Variants in GSAP observed in about 807,000 individuals in gnomAD.
GSAP encodes the protein gamma-secretase activating protein.
Under a neutral mutation model 131.7 loss-of-function variants are expected in GSAP, and 118 were observed. The ratio of observed to expected loss-of-function variants is 0.90; its 90% CI spans 0.77 to 1.04. GSAP has a LOEUF of 1.04. GSAP is among the 50% of genes least tolerant of loss of function. The pLI is 0.00. For synonymous variants in GSAP, 381 were observed against 363.4 expected (o/e 1.05, Z -0.55); for missense variants, 1,019 against 1,013.2 (o/e 1.01, Z -0.08).
At chr7:77,377,665 C>G (rs748520244) in intron 8 of GSAP, among the ~76,000 whole-genome samples, 2 of 152,134 alleles carry the variant, frequency 1.3e-5, no homozygotes, top group Admixed American at 6.5e-5. Context: ...GAAGACAACA[C>G]CACACCTCCC....
At chr7:77,362,002 C>T (rs1229073689) in intron 13 of GSAP, among the ~76,000 whole-genome samples, 3 of 152,128 alleles carry the variant, frequency 2.0e-5, no homozygotes, top group Admixed American at 6.6e-5. Context: ...AGCAAATAAA[C>T]ACACTTTGGA....
intron 26 of GSAP, chr7:77,314,691 G>A (rs1265458765): frequency 2.7e-5 from 14 of 509,724 alleles, no homozygotes; most frequent in South Asian, 6.3e-5. Flanking sequence ...GTAAGTTTCC[G>A]GTAAGTATAC....
chr7:77,377,237 T>TAAAAAAAA lies in GSAP; in HGVS notation c.681+41_681+48dup, dbSNP rs533755073. ...GTCTCTAAAAAAATTAATATTTTTG[T>TAAAAAAAA]AAAAAAAAAAAAAAAAAAAAAGGAG... On this transcript the variant is annotated intron_variant, in intron 9 of 30. Coordinates refer to ENST00000257626, the MANE Select transcript of GSAP (RefSeq NM_017439.4). The TAAAAAAAA allele has an allele frequency of 2.6e-3, 2,293 of 892,508 alleles. 12 individuals carry two copies. The highest frequency in any genetic ancestry group is 2.8e-3 in the Non-Finnish European group (2,035 of 714,674). The allele number at this position is 892,508 out of a possible 1,614,324, so 55.3% of individuals were successfully genotyped here.
At chr7:77,324,387 C>T (rs562278124) in intron 23 of GSAP, among the ~76,000 whole-genome samples, 1 of 152,316 alleles carries the variant, frequency 6.6e-6, no homozygotes, top group African/African-American at 2.4e-5. Context: ...TTTTGCTTTT[C>T]TCTCTCCTCC....
At chr7:77,346,799 C>T (rs899433897) in intron 19 of GSAP, among the ~76,000 whole-genome samples, 1 of 152,100 alleles carries the variant, frequency 6.6e-6, no homozygotes, top group African/African-American at 2.4e-5. Context: ...TCACAATGCC[C>T]ATAGCCTTTG....
At chr7:77,362,537 G>T in intron 13 of GSAP, 46 bp downstream of exon 13, 1 of 1,030,564 alleles carries the variant, frequency 9.7e-7, no homozygotes, top group Non-Finnish European at 1.5e-6. Flanking sequence ...GCTACTATTT[G>T]GAAAAAGTTA....
rs1365199668 is a variant in GSAP at position 77,375,056 on chromosome 7, AC to A, written c.785+1del. Reference sequence around the variant, plus strand: ...ATTAGTAACAACCTATGAATAACTTACTTAAATCCTGAGTTGCTTAATGATA... The same window carrying A: ...ATTAGTAACAACCTATGAATAACTTATTAAATCCTGAGTTGCTTAATGATA... On this transcript the variant is annotated splice_donor_variant, in intron 11 of 30. Transcript: ENST00000257626. LOFTEE classifies it high-confidence loss of function. The A allele has an allele frequency of 6.8e-7, 1 of 1,463,986 alleles. No individual in the cohort carries two copies. The highest frequency in any genetic ancestry group is 9.5e-7 in the Non-Finnish European group (1 of 1,052,782). The allele number at this position is 1,463,986 out of a possible 1,614,324, so 90.7% of individuals were successfully genotyped here. A position where few individuals can be genotyped will look rare whatever the true frequency, so the allele number is the denominator to read the frequency against.
intron 14 of GSAP, among the ~76,000 whole-genome samples, chr7:77,357,627 A>C (rs1484560361): frequency 2.0e-5 from 3 of 152,196 alleles, no homozygotes; most frequent in Non-Finnish European, 4.4e-5. Flanking sequence ...GCTGATAGCT[A>C]AAAAAATTAA....
chr7:77,393,573 A>C (rs1280661335), intron 5 of GSAP, among the ~76,000 whole-genome samples: 1 of 151,766 alleles, frequency 6.6e-6, no homozygotes, highest in Non-Finnish European at 1.5e-5. Flanking sequence ...TACCTGTTCT[A>C]GCCAAAAACC....
chr7:77,382,292 G>A (rs1049701178), intron 7 of GSAP, among the ~76,000 whole-genome samples: 2 of 152,014 alleles, frequency 1.3e-5, no homozygotes, highest in African/African-American at 4.8e-5. Context: ...AATGACCCAT[G>A]CAACTTTCTA....
chr7:77,377,399 G>GTA lies in GSAP; in HGVS notation c.577-10_577-9insTA. 1 of 948,214 alleles carries GTA rather than the reference G, an allele frequency of 1.1e-6. No homozygotes were observed. Among genetic ancestry groups the GTA allele is most frequent in the African/African-American group, 4.7e-5 (1 of 21,288 alleles). 58.7% of individuals were successfully genotyped at this position (948,214 alleles called of 1,614,324 possible). ...CCAGAATTTTTAATCACCTAAAAATGCAAAAAAAAAAAAAAAAAAAAAAGT... is the reference window on the plus strand; with the variant it reads ...CCAGAATTTTTAATCACCTAAAAATGTACAAAAAAAAAAAAAAAAAAAAAAGT... On this transcript the variant is annotated splice_polypyrimidine_tract_variant and intron_variant, in intron 8 of 30. Coordinates refer to ENST00000257626, the MANE Select transcript of GSAP (RefSeq NM_017439.4).
At chr7:77,377,258 A>AAAAAAAAAAAAAAAAAATT in intron 9 of GSAP, 28 bp downstream of exon 9, 2 of 1,400,740 alleles carry the variant, frequency 1.4e-6, no homozygotes, top group Non-Finnish European at 1.9e-6. Flanking sequence ...AAAAAAAAAA[A>AAAAAAAAAAAAAAAAAATT]GGAGTGCCCG....
At position 77,351,605 on chromosome 7, in the gene GSAP, A is replaced by G. The variant is rs371484091; in HGVS notation, c.1491+1339T>C. ...ATTAGTTCAGTACAGGGAGGTTATAACCACAGGTTTCTTTATATCGCTCTT... is the reference window on the plus strand; with the variant it reads ...ATTAGTTCAGTACAGGGAGGTTATAGCCACAGGTTTCTTTATATCGCTCTT... On this transcript the variant is annotated intron_variant, in intron 18 of 30. Transcript: ENST00000257626. 8.1e-6 allele frequency: 8 copies of G among 985,812 alleles called. No homozygotes were observed. The East Asian group carries it at 5.7e-4, about 70-fold the overall frequency. The allele number at this position is 985,812 out of a possible 1,614,324, so 61.1% of individuals were successfully genotyped here. A position where few individuals can be genotyped will look rare whatever the true frequency, so the allele number is the denominator to read the frequency against.
At chr7:77,343,981 A>G (rs1353464345) in intron 19 of GSAP, among the ~76,000 whole-genome samples, 1 of 152,126 alleles carries the variant, frequency 6.6e-6, no homozygotes, top group Non-Finnish European at 1.5e-5. Flanking sequence ...ATCAAGCTTG[A>G]GGATTTGCCC....
rs115723821 is a variant in GSAP, at chr7:77,345,108, T to C, written c.1545+4243A>G. The stretch of plus-strand genomic sequence containing the variant: ...CCCTTGGGCACTCTCTAATTGGAGG[T>C]CCTCCCAATTATTAGTCCTTTAATA... On this transcript the variant is annotated intron_variant, in intron 19 of 30. Coordinates refer to ENST00000257626, the MANE Select transcript of GSAP (RefSeq NM_017439.4). Among the ~76,000 whole-genome samples the C allele has an allele frequency of 8.8e-3, 1,338 of 152,136 alleles. 22 individuals are homozygous for C. Among genetic ancestry groups the C allele is most frequent in the African/African-American group, 0.03 (1,225 of 41,498 alleles).
intron 19 of GSAP, among the ~76,000 whole-genome samples, chr7:77,347,226 G>A (rs1188034309): frequency 6.6e-6 from 1 of 152,066 alleles, no homozygotes; most frequent in Non-Finnish European, 1.5e-5. Flanking sequence ...GTTTCCCTGA[G>A]TTCTGTGAGC....
chr7:77,328,388 C>G, intron 22 of GSAP: 1 of 1,280,768 alleles, frequency 7.8e-7, no homozygotes, highest in African/African-American at 1.5e-5. Context: ...GGACTCCCAT[C>G]GCAAAAGCAC....
In GSAP at chr7:77,315,623, T is replaced by A. The variant is rs536288864; in HGVS notation, c.2090-1134A>T. 10 of 152,262 alleles carry A rather than the reference T, an allele frequency of 6.6e-5. 1 individual carries two copies. In the South Asian group the frequency reaches 1.5e-3, roughly 22 times the overall value. 9.4% of individuals were successfully genotyped at this position (152,262 alleles called of 1,614,324 possible). On this transcript the variant is annotated intron_variant, in intron 26 of 30. Transcript: ENST00000257626. ...AGAAATAATAATGTGTAAGTTGAAA[T>A]TTGCATCAACTGTGTGATTGTAGGG...
intron 17 of GSAP, 59 bp from the exon 18 acceptor site, chr7:77,353,085 A>G (rs1329184252): frequency 2.1e-6 from 2 of 935,318 alleles, no homozygotes; most frequent in Non-Finnish European, 3.5e-6. Flanking sequence ...AGATGATGAC[A>G]GCATTGTAAT....
Sources: allele counts gnomAD v4.1 joint callset (sites outside exome capture counted in the v4.1 genomes callset), GRCh38; gene constraint gnomAD v4.1.1; transcripts MANE v1.5; gene names NCBI Gene and HGNC (gene_info 2026-07-23, HGNC 2026-07-21).